CKAP4: variants seen among roughly 807,000 people sequenced by gnomAD.
The protein encoded by CKAP4 is cytoskeleton associated protein 4.
In CKAP4, 20 loss-of-function variants were observed where a neutral mutation model predicts 24.4. The observed-to-expected ratio is 0.82, with a 90% CI of 0.58 to 1.19. CKAP4 has a LOEUF of 1.19. Among genes scored for constraint, CKAP4 ranks in the 50% most tolerant of loss-of-function variants. The pLI, the probability that CKAP4 is intolerant of heterozygous loss-of-function variation, is 0.00. For synonymous variants in CKAP4, 378 were observed against 351.7 expected, an observed-to-expected ratio of 1.07 and a Z score of -0.84; for missense variants, 744 against 765.3, an observed-to-expected ratio of 0.97 and a Z score of 0.33.
intron 1 of CKAP4, chr12:106,246,733 C>T (rs1156644549): frequency 6.6e-6 from 1 of 152,662 alleles, no homozygotes; most frequent in Admixed American, 6.5e-5. Context: ...CAGAGCCAGA[C>T]TCCCTCTCAA....
chr12:106,242,895 A>G (rs2033979648), intron 1 of CKAP4, among the ~76,000 whole-genome samples: 1 of 152,250 alleles, frequency 6.6e-6, no homozygotes, highest in Admixed American at 6.5e-5. Context: ...AGACTAGAAC[A>G]GAAATTATAT....
chr12:106,238,868 G>C lies in CKAP4; in HGVS notation c.*156C>G. ...TTAAATATTGTAAATAAGTTAACTG[G>C]GCATGAAAATACAATGCCTTGGTGT... On this transcript the variant is annotated 3_prime_UTR_variant, in exon 2 of 2. Coordinates refer to ENST00000378026, the MANE Select transcript of CKAP4 (RefSeq NM_006825.4). 1 of 772,934 alleles carries C rather than the reference G, an allele frequency of 1.3e-6. No individual in the cohort carries two copies. Among genetic ancestry groups the C allele is most frequent in the Non-Finnish European group, 2.1e-6 (1 of 470,886 alleles). The allele number at this position is 772,934 out of a possible 1,614,324, so 47.9% of individuals were successfully genotyped here.
Position 106,240,021 on chromosome 12 carries a change from G to T in CKAP4, c.812C>A (p.Ala271Glu). ...AGATTCTTCCAGGGAGGCAACCTTT[G>T]CCTTCATGTCATTGATCTCCTTCTG... ...RSQKEINDMK[A>E]KVASLEESEG... is the part of the protein sequence containing the mutation. The change falls in exon 2 of 2, where the codon GCA (alanine) becomes GAA (glutamate). Residue 271 changes from alanine (A) to glutamate (E), a missense_variant. This residue lies in a region of CKAP4 where 401 missense variants were observed against 424.5 expected (regional missense o/e 0.94). Transcript: ENST00000378026. The T allele has an allele frequency of 6.2e-7, 1 of 1,614,092 alleles. No homozygotes were observed. The highest frequency in any genetic ancestry group is 8.5e-7 in the Non-Finnish European group (1 of 1,180,032).
chr12:106,246,808 A>G (rs1345413650), intron 1 of CKAP4: 2 of 152,306 alleles, frequency 1.3e-5, no homozygotes, highest in African/African-American at 4.8e-5. Flanking sequence ...CTGGTCCAAT[A>G]CAGGACAAGG....
chr12:106,238,944 G>C lies in CKAP4; in HGVS notation c.*80C>G. On this transcript the variant is annotated 3_prime_UTR_variant, in exon 2 of 2. Coordinates refer to ENST00000378026, the MANE Select transcript of CKAP4 (RefSeq NM_006825.4). The stretch of plus-strand genomic sequence containing the variant: ...GAGGGGACAAGAAATTGGGGGGTAG[G>C]GGACACATGGGAAAAAACCACACAT... The C allele has an allele frequency of 2.0e-6, 3 of 1,498,044 alleles. No individual in the cohort carries two copies. Among genetic ancestry groups the C allele is most frequent in the Non-Finnish European group, 2.7e-6 (3 of 1,097,908 alleles). The allele number at this position is 1,498,044 out of a possible 1,614,324, so 92.8% of individuals were successfully genotyped here. A position where few individuals can be genotyped will look rare whatever the true frequency, so the allele number is the denominator to read the frequency against.
chr12:106,241,543 C>T (rs183626027), intron 1 of CKAP4, among the ~76,000 whole-genome samples: 18 of 152,012 alleles, frequency 1.2e-4, no homozygotes, highest in Non-Finnish European at 2.5e-4. Flanking sequence ...CCGTTTTAGC[C>T]GGGATGGTCT....
intron 1 of CKAP4, among the ~76,000 whole-genome samples, chr12:106,240,809 A>G (rs1223390592): frequency 2.0e-5 from 3 of 152,218 alleles, no homozygotes; most frequent in Non-Finnish European, 4.4e-5. Flanking sequence ...AGGACAAAGA[A>G]CCAGGATCTT....
At chr12:106,246,593 T>C (rs1444861204) in intron 1 of CKAP4, 1 of 152,054 alleles carries the variant, frequency 6.6e-6, no homozygotes, top group Non-Finnish European at 1.5e-5. Context: ...TAATAAAAAA[T>C]TAGCTGGGTA....
intron 1 of CKAP4, among the ~76,000 whole-genome samples, chr12:106,241,469 A>C (rs980658671): frequency 6.7e-6 from 1 of 150,368 alleles, no homozygotes; most frequent in Non-Finnish European, 1.5e-5. Context: ...AGTAGCTGGG[A>C]CTACAGGCGC....
chr12:106,239,158 T>C lies in CKAP4; in HGVS notation c.1675A>G (p.Ser559Gly), dbSNP rs1433132027. ...ATTTTGACCGAGTATGCAACCAAAC[T>C]GTCCACAGCAGTCCTGAGCATTTTC... The part of the protein sequence containing the change: ...DLKMLRTAVD[S>G]LVAYSVKIET... The change falls in exon 2 of 2, where the codon AGT (serine) becomes GGT (glycine). Residue 559 changes from serine to glycine, a missense_variant. Ser to Gly is a moderately conservative substitution (Grantham distance 56, BLOSUM62 0). Coordinates refer to ENST00000378026, the MANE Select transcript of CKAP4 (RefSeq NM_006825.4). The surrounding 1 kb of genome is among the most constrained non-coding windows in gnomAD (Gnocchi z 4.9). 3 of 1,614,142 alleles carry C rather than the reference T, an allele frequency of 1.9e-6. No individual in the cohort carries two copies. The highest frequency in any genetic ancestry group is 2.5e-6 in the Non-Finnish European group (3 of 1,180,026).
chr12:106,245,545 T>G (rs1369046884), intron 1 of CKAP4: 2 of 151,116 alleles, frequency 1.3e-5, no homozygotes, highest in Admixed American at 1.3e-4. Flanking sequence ...TCCCTTGGCC[T>G]GCAGCGTTTA....
At chr12:106,240,974 TG>T (rs1165008007) in intron 1 of CKAP4, among the ~76,000 whole-genome samples, 1 of 152,206 alleles carries the variant, frequency 6.6e-6, no homozygotes, top group Non-Finnish European at 1.5e-5. Flanking sequence ...GAGCTGGGCC[TG>T]GTGGTGTCCA....
chr12:106,243,166 A>G (rs1220607932), intron 1 of CKAP4, among the ~76,000 whole-genome samples: 1 of 152,186 alleles, frequency 6.6e-6, no homozygotes. Flanking sequence ...TCAACCGGAC[A>G]CTTGTGATGG....
chr12:106,247,461 G>C lies in CKAP4; in HGVS notation c.391C>G (p.Leu131Val). ...CGCCGGACCTGCTGGACCTCCTCCAGGACGTGGTGGACGCACCAGCCCGAG... is the reference window on the plus strand; with the variant it reads ...CGCCGGACCTGCTGGACCTCCTCCACGACGTGGTGGACGCACCAGCCCGAG... ...AFSGWCVHHVLEEVQQVRRSH... is the reference protein window; with the variant it reads ...AFSGWCVHHVVEEVQQVRRSH... Residue 131 changes from leucine (L) to valine (V), a missense_variant, in exon 1 of 2, where the codon CTG (leucine) becomes GTG (valine). Leu to Val is a conservative substitution (Grantham distance 32). This residue lies in a region of CKAP4 where 300 missense variants were observed against 264.5 expected (regional missense o/e 1.13). Coordinates refer to ENST00000378026, the MANE Select transcript of CKAP4 (RefSeq NM_006825.4). This position sits in a 1 kb window ranked among gnomAD's most constrained non-coding sequence, Gnocchi z 4.5. The C allele has an allele frequency of 1.3e-6, 2 of 1,545,964 alleles. No homozygotes were observed. Among genetic ancestry groups the C allele is most frequent in the Non-Finnish European group, 1.7e-6 (2 of 1,147,922 alleles).
rs1320144994 is a variant in CKAP4 at position 106,239,575 on chromosome 12, C to A, written c.1258G>T (p.Val420Leu). The change falls in exon 2 of 2, where the codon GTG (valine) becomes TTG (leucine). Residue 420 changes from valine to leucine, a missense_variant. Val to Leu is a conservative substitution (Grantham distance 32). Around this residue, in one of 3 missense-constraint regions of CKAP4, gnomAD observed 401 missense variants for 424.5 expected, o/e 0.94. Transcript: ENST00000378026. The surrounding 1 kb of genome is among the most constrained non-coding windows in gnomAD (Gnocchi z 4.9). ...DSRLQHVEDGVLSMQVASARQ... is the reference protein window; with the variant it reads ...DSRLQHVEDGLLSMQVASARQ... Reference sequence around the variant, plus strand: ...GCAGAAGCCACCTGCATGGAGAGCACCCCATCCTCCACGTGCTGGAGCCTG... The same window carrying A: ...GCAGAAGCCACCTGCATGGAGAGCAACCCATCCTCCACGTGCTGGAGCCTG... The A allele has an allele frequency of 2.0e-5, 32 of 1,613,846 alleles. No individual in the cohort carries two copies. In the Admixed American group the frequency reaches 5.3e-4, roughly 27 times the overall value.
rs1200926988 is a variant in CKAP4 at position 106,240,114 on chromosome 12, C to T, written c.719G>A (p.Arg240Gln). The change falls in exon 2 of 2, where the codon CGG (arginine) becomes CAG (glutamine). Residue 240 changes from arginine to glutamine, a missense_variant. By Grantham distance (43) the Arg-to-Gln change is conservative. Coordinates refer to ENST00000378026, the MANE Select transcript of CKAP4 (RefSeq NM_006825.4). ...GATGGATTTGGTGAGCTCCGTCAGC[C>T]GCTCCTCCACCGTGTTCTCCAGGGA... The part of the protein sequence containing the change: ...FTSLENTVEE[R>Q]LTELTKSIND... 2 of 1,614,038 alleles carry T rather than the reference C, an allele frequency of 1.2e-6. No individual in the cohort carries two copies. Among genetic ancestry groups the T allele is most frequent in the Non-Finnish European group, 8.5e-7 (1 of 1,180,046 alleles).
In CKAP4 at chr12:106,239,208, G is replaced by A; in HGVS notation, c.1625C>T (p.Ser542Leu). 6.2e-7 allele frequency: 1 copy of A among 1,614,200 alleles called. No individual in the cohort carries two copies. Among genetic ancestry groups the A allele is most frequent in the Non-Finnish European group, 8.5e-7 (1 of 1,180,042 alleles). Residue 542 changes from serine to leucine, a missense_variant, in exon 2 of 2, where the codon TCA (serine) becomes TTA (leucine). By Grantham distance (145) the Ser-to-Leu change is moderately radical. Around this residue, in one of 3 missense-constraint regions of CKAP4, gnomAD observed 401 missense variants for 424.5 expected, o/e 0.94. Transcript: ENST00000378026. The surrounding 1 kb of genome is among the most constrained non-coding windows in gnomAD (Gnocchi z 4.9). ...CAAGTCCGCCTCCACTTGGCTGACT[G>A]AGGCTTTCAGGTTGTCTAGAGAAGA... ...RLSSLDNLKA[S>L]VSQVEADLKM...
rs2136532283 is a variant in CKAP4, at chr12:106,237,967, T to TA, written c.*1056_*1057insT. ...ATTTCACAGTAAACTAAACAAAACT[T>TA]TTTTTTTTTTTTTTTACTTTTCGGG... On this transcript the variant is annotated 3_prime_UTR_variant, in exon 2 of 2. Transcript: ENST00000378026. The TA allele has an allele frequency of 7.0e-6, 1 of 142,728 alleles. No homozygotes were observed. The highest frequency in any genetic ancestry group is 2.2e-4 in the South Asian group (1 of 4,606). 8.8% of individuals were successfully genotyped at this position (142,728 alleles called of 1,614,324 possible).
At position 106,247,569 on chromosome 12, in the gene CKAP4, A is replaced by AGGCGGCGGCGGCGGCAGC. The variant is rs1408025449; in HGVS notation, c.265_282dup (p.Ala89_Ala94dup). 2.2e-6 allele frequency: 3 copies of AGGCGGCGGCGGCGGCAGC among 1,381,252 alleles called. No homozygotes were observed. The highest frequency in any genetic ancestry group is 1.9e-6 in the Non-Finnish European group (2 of 1,059,966). 85.6% of individuals were successfully genotyped at this position (1,381,252 alleles called of 1,614,324 possible). A position where few individuals can be genotyped will look rare whatever the true frequency, so the allele number is the denominator to read the frequency against. ...CTGCGCGAGCAGGACGCCGAGGACGAGGCGGCGGCGGCGGCAGCGGCGGCG... is the reference window on the plus strand; with the variant it reads ...CTGCGCGAGCAGGACGCCGAGGACGAGGCGGCGGCGGCGGCAGCGGCGGCGGCGGCGGCAGCGGCGGCG... On this transcript the variant is annotated inframe_insertion, in exon 1 of 2. Coordinates refer to ENST00000378026, the MANE Select transcript of CKAP4 (RefSeq NM_006825.4). The surrounding 1 kb of genome is among the most constrained non-coding windows in gnomAD (Gnocchi z 4.5).
Sources: gnomAD v4.1 joint callset for allele counts (sites outside exome capture counted in the v4.1 genomes callset) on GRCh38, gnomAD v4.1.1 for gene constraint, gnomAD v4.1.1 regional missense constraint, Gnocchi (gnomAD v3.1) non-coding constraint, MANE v1.5 for transcripts, NCBI Gene and HGNC (gene_info 2026-07-23, HGNC 2026-07-21) for gene names.